The following DSCAM variants were observed in gnomAD, a reference collection of about 807,000 sequenced individuals.
DSCAM encodes cell adhesion molecule DSCAM.
A neutral mutation model predicts 217.7 loss-of-function variants in DSCAM; 47 were observed. The ratio of observed to expected loss-of-function variants is 0.22; its 90% CI spans 0.17 to 0.28. The LOEUF is 0.28. DSCAM is among the 10% of genes least tolerant of loss of function. The probability of loss-of-function intolerance (pLI) is 1.00; values close to 1 mark genes in which losing one functional copy is unlikely to be tolerated. For synonymous variants in DSCAM, 1,056 were observed against 1,015.3 expected (o/e 1.04, Z -0.76); for missense variants, 2,080 against 2,618.3 (o/e 0.79, Z 4.49).
At chr21:40,779,032 GAAAAAAAAAAAAAAA>G (rs772208075) in intron 1 of DSCAM, among the ~76,000 whole-genome samples, 3 of 45,536 alleles carry the variant, frequency 6.6e-5, no homozygotes, top group South Asian at 1.3e-3. Context: ...CTCAAAAACA[GAAAAAAAAAAAAAAA>G]AAAAAAAAAA....
intron 1 of DSCAM, among the ~76,000 whole-genome samples, chr21:40,835,865 T>C (rs1459334713): frequency 6.6e-6 from 1 of 152,242 alleles, no homozygotes. Context: ...AATGCACATA[T>C]GCCCTTATAT....
intron 1 of DSCAM, among the ~76,000 whole-genome samples, chr21:40,821,867 G>T (rs1441259100): frequency 1.3e-5 from 2 of 152,072 alleles, no homozygotes; most frequent in Non-Finnish European, 1.5e-5. Flanking sequence ...ATTGAAGGGT[G>T]GAAAGTGGGA....
intron 1 of DSCAM, among the ~76,000 whole-genome samples, chr21:40,763,032 C>A (rs1442349146): frequency 6.6e-6 from 1 of 152,074 alleles, no homozygotes; most frequent in Non-Finnish European, 1.5e-5. Flanking sequence ...AAAACTGGCA[C>A]AAGACAAGGA....
intron 3 of DSCAM, among the ~76,000 whole-genome samples, chr21:40,592,433 T>A (rs2076990748): frequency 2.0e-5 from 3 of 152,180 alleles, no homozygotes; most frequent in Non-Finnish European, 2.9e-5. Context: ...TTTTGGACAA[T>A]GGCTTCCTGC....
intron 2 of DSCAM, among the ~76,000 whole-genome samples, chr21:40,705,655 C>G (rs534532156): frequency 6.6e-6 from 1 of 152,230 alleles, no homozygotes; most frequent in Non-Finnish European, 1.5e-5. Context: ...CTCACTCACT[C>G]TCACGAGAAC....
intron 4 of DSCAM, among the ~76,000 whole-genome samples, chr21:40,356,194 A>C (rs560352122): frequency 6.6e-6 from 1 of 152,270 alleles, no homozygotes; most frequent in East Asian, 1.9e-4. Context: ...ACAAAGCTTC[A>C]GTTATGCCAG....
chr21:40,745,502 T>C (rs1383414115), intron 1 of DSCAM, among the ~76,000 whole-genome samples: 5 of 152,150 alleles, frequency 3.3e-5, no homozygotes, highest in African/African-American at 1.2e-4. Context: ...TGGGATGATA[T>C]ATTCAAAGTG....
intron 20 of DSCAM, among the ~76,000 whole-genome samples, chr21:40,119,616 C>A (rs991587991): frequency 6.6e-6 from 1 of 151,156 alleles, no homozygotes; most frequent in East Asian, 1.9e-4. Flanking sequence ...TTGGGAAATG[C>A]CTACATTTAA....
At chr21:40,336,159 T>C (rs1375188644) in intron 8 of DSCAM, among the ~76,000 whole-genome samples, 2 of 152,120 alleles carry the variant, frequency 1.3e-5, no homozygotes, top group Non-Finnish European at 2.9e-5. Context: ...TCAAGCAGAG[T>C]ATGTCTGTGC....
At chr21:40,394,994 A>G (rs2075165818) in intron 3 of DSCAM, among the ~76,000 whole-genome samples, 1 of 152,204 alleles carries the variant, frequency 6.6e-6, no homozygotes, top group Admixed American at 6.5e-5. Flanking sequence ...AGAATTAGGT[A>G]ATTTTTACAT....
chr21:40,553,419 C>T (rs1338238909), intron 3 of DSCAM, among the ~76,000 whole-genome samples: 1 of 152,122 alleles, frequency 6.6e-6, no homozygotes, highest in Non-Finnish European at 1.5e-5. Context: ...TGTGGAAATC[C>T]ACCAGGATTC....
chr21:40,073,407 T>C (rs420863), intron 27 of DSCAM, among the ~76,000 whole-genome samples: 50,332 of 152,120 alleles, frequency 0.33, 9,550 homozygotes, highest in South Asian at 0.63. Flanking sequence ...AGTTGTCTAA[T>C]GGTAACAAGG....
At chr21:40,660,474 T>A (rs909257268) in intron 3 of DSCAM, among the ~76,000 whole-genome samples, 3 of 151,992 alleles carry the variant, frequency 2.0e-5, no homozygotes, top group Admixed American at 1.3e-4. Context: ...CAAAAATACC[T>A]CAAAAATGAA....
chr21:40,831,411 G>A lies in DSCAM; in HGVS notation c.43+15208C>T, dbSNP rs146438198. 4.3e-3 allele frequency among the ~76,000 whole-genome samples: 657 copies of A among 152,282 alleles called. 4 individuals carry two copies. Among genetic ancestry groups the A allele is most frequent in the African/African-American group, 0.015 (611 of 41,550 alleles). ...CAGTATTTTCTAAACTCTTTAAGAC[G>A]CATGTCCCATGGACACTTCCGGTAA... On this transcript the variant is annotated intron_variant, in intron 1 of 32. Coordinates refer to ENST00000400454, the MANE Select transcript of DSCAM (RefSeq NM_001389.5).
chr21:40,512,894 TTTTA>T (rs559408471), intron 3 of DSCAM, among the ~76,000 whole-genome samples: 1 of 152,048 alleles, frequency 6.6e-6, no homozygotes, highest in African/African-American at 2.4e-5. Flanking sequence ...TAATTTTTAT[TTTTA>T]TTTATTTATT....
chr21:40,603,677 T>C (rs57420149), intron 3 of DSCAM, among the ~76,000 whole-genome samples: 2,663 of 152,274 alleles, frequency 0.017, 75 homozygotes, highest in African/African-American at 0.061. Flanking sequence ...GAAGAAACAT[T>C]ATGTAGACAG....
At chr21:40,371,405 T>C (rs980958336) in intron 3 of DSCAM, among the ~76,000 whole-genome samples, 2 of 141,872 alleles carry the variant, frequency 1.4e-5, no homozygotes, top group Non-Finnish European at 3.1e-5. Flanking sequence ...TACAGTTTGA[T>C]AGACAGAAAG....
At chr21:40,620,065 AAGAGAGAAAGAGAAAAAAGAAAG>A (rs779038711) in intron 3 of DSCAM, among the ~76,000 whole-genome samples, 7 of 92,826 alleles carry the variant, frequency 7.5e-5, no homozygotes, top group African/African-American at 1.9e-4. Context: ...AAAAGAAAGA[AAGAGAGAAAGAGAAAAAAGAAAG>A]AGAGAGAAAG....
chr21:40,759,376 C>T (rs1407844532), intron 1 of DSCAM, among the ~76,000 whole-genome samples: 2 of 152,172 alleles, frequency 1.3e-5, no homozygotes, highest in Non-Finnish European at 2.9e-5. Context: ...CTTTGAATTC[C>T]TCATTGCCCC....
Sources: gnomAD v4.1 joint callset for allele counts (sites outside exome capture counted in the v4.1 genomes callset) on GRCh38, gnomAD v4.1.1 for gene constraint, MANE v1.5 for transcripts, NCBI Gene and HGNC (gene_info 2026-07-23, HGNC 2026-07-21) for gene names.